EPB41L4A: variants seen among roughly 807,000 people sequenced by gnomAD.
EPB41L4A encodes band 4.1-like protein 4A.
EPB41L4A carries 100 observed loss-of-function variants against 108.6 expected under a neutral mutation model. That is an observed-to-expected ratio of 0.92 (90% CI 0.78 to 1.09). The LOEUF (loss-of-function observed/expected upper bound fraction) is 1.09, where lower values mean the gene tolerates loss of function less well. EPB41L4A is among the 50% of genes least tolerant of loss of function. The probability of loss-of-function intolerance (pLI) is 0.00; values close to 1 mark genes in which losing one functional copy is unlikely to be tolerated. For missense variants in EPB41L4A, 1,030 were observed against 842.7 expected (o/e 1.22, Z -2.75); for synonymous variants, 319 against 289.0 (o/e 1.10, Z -1.05).
intron 9 of EPB41L4A, 73 bp from the exon 10 acceptor site, chr5:112,240,883 C>A: frequency 1.2e-6 from 1 of 838,392 alleles, no homozygotes; most frequent in Non-Finnish European, 1.9e-6. Flanking sequence ...ATAACAGCCC[C>A]CTTTAAGTAA....
chr5:112,281,441 A>C (rs1752959838), intron 2 of EPB41L4A, among the ~76,000 whole-genome samples: 1 of 152,210 alleles, frequency 6.6e-6, no homozygotes, highest in African/African-American at 2.4e-5. Flanking sequence ...AGGGCACTGG[A>C]GTTCCCACAA....
chr5:112,242,387 C>A (rs1749853679), intron 9 of EPB41L4A, among the ~76,000 whole-genome samples: 1 of 152,202 alleles, frequency 6.6e-6, no homozygotes, highest in African/African-American at 2.4e-5. Context: ...AGAAGCAACT[C>A]CTTATTCCTT....
At chr5:112,228,330 A>C (rs1176361558) in intron 12 of EPB41L4A, 1 of 152,252 alleles carries the variant, frequency 6.6e-6, no homozygotes, top group African/African-American at 2.4e-5. Flanking sequence ...CGCTGCACAG[A>C]AACAACTGGC....
At chr5:112,194,420 G>T in intron 17 of EPB41L4A, 148 bp downstream of exon 17, 3 of 521,840 alleles carry the variant, frequency 5.7e-6, no homozygotes, top group Non-Finnish European at 1.0e-5. Flanking sequence ...AAGAGCTAAA[G>T]TTTCCTAAAC....
intron 1 of EPB41L4A, among the ~76,000 whole-genome samples, chr5:112,414,049 GA>G (rs1762565067): frequency 6.6e-6 from 1 of 151,530 alleles, no homozygotes; most frequent in African/African-American, 2.4e-5. Context: ...TACAGATGGG[GA>G]AACTGAAACT....
chr5:112,175,207 C>T (rs1760800876), intron 18 of EPB41L4A: 1 of 152,216 alleles, frequency 6.6e-6, no homozygotes, highest in African/African-American at 2.4e-5. Flanking sequence ...TCTCTTGCAC[C>T]CAGGTTTGAC....
intron 12 of EPB41L4A, among the ~76,000 whole-genome samples, chr5:112,155,058 T>C (rs968234393): frequency 2.6e-5 from 4 of 152,128 alleles, no homozygotes; most frequent in African/African-American, 9.7e-5. Flanking sequence ...AAATCAGTAG[T>C]TTAAAATTGT....
chr5:112,250,003 C>A (rs780069896), intron 9 of EPB41L4A, among the ~76,000 whole-genome samples: 1 of 139,914 alleles, frequency 7.1e-6, no homozygotes, highest in Non-Finnish European at 1.6e-5. Context: ...AAACAACCCT[C>A]TACATATAGA....
intron 1 of EPB41L4A, among the ~76,000 whole-genome samples, chr5:112,410,104 T>A (rs1451963534): frequency 1.3e-5 from 2 of 152,196 alleles, no homozygotes; most frequent in African/African-American, 2.4e-5. Context: ...CTCTCCTTCA[T>A]GAGAGCTGAT....
At chr5:112,326,243 T>C (rs1416323257) in intron 1 of EPB41L4A, among the ~76,000 whole-genome samples, 1 of 152,090 alleles carries the variant, frequency 6.6e-6, no homozygotes, top group Non-Finnish European at 1.5e-5. Flanking sequence ...ATCCCCAGGA[T>C]CAGGTGGAGG....
intron 1 of EPB41L4A, among the ~76,000 whole-genome samples, chr5:112,309,861 G>A (rs566872705): frequency 1.3e-5 from 2 of 152,310 alleles, no homozygotes; most frequent in Admixed American, 6.5e-5. Flanking sequence ...GGGGCTATCT[G>A]AGAAGAATGA....
rs575939405 is a variant in EPB41L4A, at chr5:112,240,847, C to G, written c.796-37G>C. On this transcript the variant is annotated intron_variant, in intron 9 of 22. Transcript: ENST00000261486. ...AGAGAGACAGAATATGAATAATGACCAGGGAAGGAAGATAGCATTCTTCAA... is the reference window on the plus strand; with the variant it reads ...AGAGAGACAGAATATGAATAATGACGAGGGAAGGAAGATAGCATTCTTCAA... 18 of 1,312,444 alleles carry G rather than the reference C, an allele frequency of 1.4e-5. No individual in the cohort carries two copies. The South Asian group carries it at 2.3e-4, about 16-fold the overall frequency. 81.3% of individuals were successfully genotyped at this position (1,312,444 alleles called of 1,614,324 possible).
chr5:112,369,782 A>G (rs1244978988), intron 1 of EPB41L4A, among the ~76,000 whole-genome samples: 1 of 152,156 alleles, frequency 6.6e-6, no homozygotes, highest in Non-Finnish European at 1.5e-5. Flanking sequence ...AGCTGAACAC[A>G]GTCCCCTTGG....
chr5:112,314,442 T>TGGATCACC (rs1755275125), intron 1 of EPB41L4A, among the ~76,000 whole-genome samples: 1 of 123,172 alleles, frequency 8.1e-6, no homozygotes, highest in East Asian at 2.6e-4. Context: ...TCGAGGCGGG[T>TGGATCACC]GGATCACCTG....
chr5:112,161,587 C>G, downstream of EPB41L4A: 1 of 519,176 alleles, frequency 1.9e-6, no homozygotes, highest in South Asian at 1.4e-5. Flanking sequence ...AATTTGATAC[C>G]TTTGGTGTAG....
At chr5:112,386,031 A>G (rs776689103) in intron 1 of EPB41L4A, among the ~76,000 whole-genome samples, 2 of 152,240 alleles carry the variant, frequency 1.3e-5, no homozygotes, top group African/African-American at 2.4e-5. Context: ...TCTTATTTCT[A>G]ACTACTTTAA....
At chr5:112,171,098 G>C in intron 18 of EPB41L4A, 106 bp from the exon 19 acceptor site, 1 of 991,790 alleles carries the variant, frequency 1.0e-6, no homozygotes, top group Non-Finnish European at 1.6e-6. Context: ...TTTGCCAGCT[G>C]AGAACAGACA....
At chr5:112,204,521 C>T in intron 14 of EPB41L4A, 33 bp from the exon 15 acceptor site, 1 of 1,428,730 alleles carries the variant, frequency 7.0e-7, no homozygotes, top group Non-Finnish European at 9.9e-7. Context: ...AAAAAGAGCC[C>T]AGAGAGTTCC....
At chr5:112,325,442 TAAA>T (rs11294749) in intron 1 of EPB41L4A, among the ~76,000 whole-genome samples, 23 of 103,438 alleles carry the variant, frequency 2.2e-4, no homozygotes, top group East Asian at 3.3e-4. Context: ...CTCCGTCTCA[TAAA>T]AAAAAAAAAA....
Sources: gnomAD v4.1 joint callset for allele counts (sites outside exome capture counted in the v4.1 genomes callset) on GRCh38, gnomAD v4.1.1 for gene constraint, MANE v1.5 for transcripts, NCBI Gene and HGNC (gene_info 2026-07-23, HGNC 2026-07-21) for gene names.